VPS13B: variants seen among roughly 807,000 people sequenced by gnomAD.
VPS13B encodes the protein intermembrane lipid transfer protein VPS13B.
VPS13B carries 285 observed loss-of-function variants against 426.4 expected under a neutral mutation model. The observed-to-expected ratio is 0.67, with a 90% CI of 0.61 to 0.74. The LOEUF (loss-of-function observed/expected upper bound fraction) is 0.74. Among genes scored for constraint, VPS13B ranks in the 30% least tolerant of loss-of-function variants. The pLI is 0.00. For synonymous variants in VPS13B, 1,676 were observed against 1,676.4 expected, an observed-to-expected ratio of 1.00 and a Z score of 0.01; for missense variants, 4,537 against 4,782.6, an observed-to-expected ratio of 0.95 and a Z score of 1.51.
chr8:99,231,438 A>T (rs866927288), intron 17 of VPS13B, among the ~76,000 whole-genome samples: 1 of 152,312 alleles, frequency 6.6e-6, no homozygotes, highest in South Asian at 2.1e-4. Flanking sequence ...CCCTAATGGC[A>T]CATACCCTAT....
rs151190728 is a variant in VPS13B at position 99,470,760 on chromosome 8, A to G, written c.3666+3126A>G. On this transcript the variant is annotated intron_variant, in intron 24 of 61. Coordinates refer to ENST00000357162, the MANE Select transcript of VPS13B (RefSeq NM_152564.5). The stretch of plus-strand genomic sequence containing the variant: ...GGAAATAACTACAGAAAACTTTGCA[A>G]ATTTGGGGAAAGAGATAGTCTTTAC... 5.0e-3 allele frequency among the ~76,000 whole-genome samples: 759 copies of G among 152,080 alleles called. 6 individuals carry two copies. Among genetic ancestry groups the G allele is most frequent in the African/African-American group, 0.017 (715 of 41,550 alleles).
At chr8:99,054,657 C>T (rs529485800) in intron 3 of VPS13B, among the ~76,000 whole-genome samples, 50 of 151,982 alleles carry the variant, frequency 3.3e-4, no homozygotes, top group Non-Finnish European at 4.7e-4. Context: ...TGAAGATTTC[C>T]CCCTATGTTT....
chr8:99,562,620 G>C (rs189020173), intron 31 of VPS13B, among the ~76,000 whole-genome samples: 4 of 152,180 alleles, frequency 2.6e-5, no homozygotes, highest in East Asian at 1.9e-4. Context: ...ACTTCTTGTT[G>C]ATGAGTTGTA....
intron 2 of VPS13B, among the ~76,000 whole-genome samples, chr8:99,036,571 A>G (rs1165848362): frequency 1.3e-5 from 2 of 152,142 alleles, no homozygotes; most frequent in East Asian, 3.9e-4. Context: ...TAGTCAGATC[A>G]TATGGCTCAA....
intron 15 of VPS13B, among the ~76,000 whole-genome samples, chr8:99,162,598 C>T (rs1285332194): frequency 1.3e-5 from 2 of 152,076 alleles, no homozygotes; most frequent in African/African-American, 4.8e-5. Context: ...AATGAAGCTG[C>T]AGACGTTTGC....
intron 36 of VPS13B, among the ~76,000 whole-genome samples, chr8:99,703,498 C>A (rs2130211359): frequency 6.6e-6 from 1 of 151,958 alleles, no homozygotes; most frequent in South Asian, 2.1e-4. Context: ...GCTGAAAATC[C>A]TATGATTATA....
intron 54 of VPS13B, among the ~76,000 whole-genome samples, chr8:99,844,412 G>A (rs2130890153): frequency 6.8e-6 from 1 of 147,302 alleles, no homozygotes; most frequent in Non-Finnish European, 1.5e-5. Flanking sequence ...TGCTCAGGCT[G>A]GATGGAGTGC....
At chr8:99,582,833 T>C (rs1473594997) in intron 33 of VPS13B, among the ~76,000 whole-genome samples, 2 of 152,196 alleles carry the variant, frequency 1.3e-5, no homozygotes, top group Non-Finnish European at 2.9e-5. Context: ...TTTTTTGTAT[T>C]TTTAGGAGAG....
intron 31 of VPS13B, among the ~76,000 whole-genome samples, chr8:99,571,603 A>T (rs1825477885): frequency 1.3e-5 from 2 of 152,058 alleles, no homozygotes; most frequent in African/African-American, 4.8e-5. Flanking sequence ...CTTGGTTGTT[A>T]GTGTTTGCTC....
At position 99,271,013 on chromosome 8, in the gene VPS13B, A is replaced by AAT. The variant is rs982928121; in HGVS notation, c.2516-3175_2516-3174dup. Reference sequence around the variant, plus strand: ...TCCTTATTTCTCCAATCCTTTTTTAAATATATATATAGAATGAAAATAGTA... The same window carrying AAT: ...TCCTTATTTCTCCAATCCTTTTTTAAATATATATATATAGAATGAAAATAGTA... On this transcript the variant is annotated intron_variant, in intron 17 of 61. Coordinates refer to ENST00000357162, the MANE Select transcript of VPS13B (RefSeq NM_152564.5). 7.2e-5 allele frequency among the ~76,000 whole-genome samples: 11 copies of AAT among 152,122 alleles called. No homozygotes were observed. In the East Asian group the frequency reaches 1.7e-3, roughly 24 times the overall value.
intron 19 of VPS13B, among the ~76,000 whole-genome samples, chr8:99,317,350 A>C (rs991968169): frequency 1.3e-5 from 2 of 152,206 alleles, no homozygotes. Flanking sequence ...CCATCACCTC[A>C]AACACTTGTC....
At chr8:99,520,799 C>A in intron 29 of VPS13B, 100 bp from the exon 30 acceptor site, 1 of 881,998 alleles carries the variant, frequency 1.1e-6, no homozygotes, top group Non-Finnish European at 1.9e-6. Flanking sequence ...TTGGTCTTAT[C>A]TTAATGTGTC....
At chr8:99,366,906 C>A (rs1036324586) in intron 19 of VPS13B, among the ~76,000 whole-genome samples, 1 of 151,990 alleles carries the variant, frequency 6.6e-6, no homozygotes, top group East Asian at 1.9e-4. Context: ...TTAACTTTAC[C>A]CCCTTGCTTT....
rs565429304 is a variant in VPS13B at position 99,491,156 on chromosome 8, T to C, written c.3870+9354T>C. Among the ~76,000 whole-genome samples, 15 of 152,340 alleles carry C rather than the reference T, an allele frequency of 9.8e-5. No homozygotes were observed. The East Asian group carries it at 2.5e-3, about 25-fold the overall frequency. On this transcript the variant is annotated intron_variant, in intron 25 of 61. Transcript: ENST00000357162. ...ATCTTTATTTCTGCCTTCATTTCGT[T>C]ATTTACCTAGTAGTCATTCACGAGC...
At chr8:99,779,810 C>A in intron 42 of VPS13B, among the ~76,000 whole-genome samples, 1 of 152,078 alleles carries the variant, frequency 6.6e-6, no homozygotes, top group East Asian at 1.9e-4. Flanking sequence ...TATTGTATTT[C>A]CATCAAGTTT....
chr8:99,193,608 G>T (rs1813724301), intron 17 of VPS13B, among the ~76,000 whole-genome samples: 1 of 151,970 alleles, frequency 6.6e-6, no homozygotes, highest in Non-Finnish European at 1.5e-5. Context: ...TTTTAAAGTT[G>T]TTTCAGTTCA....
At chr8:99,259,884 G>C (rs1387130491) in intron 17 of VPS13B, among the ~76,000 whole-genome samples, 3 of 152,094 alleles carry the variant, frequency 2.0e-5, no homozygotes, top group African/African-American at 7.2e-5. Context: ...AATTCAGCAA[G>C]AGTAAGAGTG....
chr8:99,786,535 C>T (rs1276223510), intron 43 of VPS13B, among the ~76,000 whole-genome samples: 4 of 152,118 alleles, frequency 2.6e-5, no homozygotes, highest in African/African-American at 7.2e-5. Flanking sequence ...TAAGGCTAAA[C>T]TAATAGGGGA....
intron 2 of VPS13B, among the ~76,000 whole-genome samples, chr8:99,026,989 G>A (rs747490427): frequency 4.6e-5 from 7 of 152,004 alleles, no homozygotes; most frequent in Non-Finnish European, 8.8e-5. Flanking sequence ...TGATTCTCCC[G>A]CCTCAGCCTC....
Sources: allele counts gnomAD v4.1 joint callset (sites outside exome capture counted in the v4.1 genomes callset), GRCh38; gene constraint gnomAD v4.1.1; transcripts MANE v1.5; gene names NCBI Gene and HGNC (gene_info 2026-07-23, HGNC 2026-07-21).